Variants in TMEM45B observed in about 807,000 individuals in gnomAD.
TMEM45B encodes the protein transmembrane protein 45B.
TMEM45B carries 29 observed loss-of-function variants against 27.3 expected under a neutral mutation model. The ratio of observed to expected loss-of-function variants is 1.06; its 90% CI spans 0.79 to 1.45. TMEM45B has a LOEUF of 1.45. Ranked by LOEUF, TMEM45B falls within the 40% of genes most tolerant of loss-of-function variation. The pLI is 0.00. For synonymous variants in TMEM45B, 143 were observed against 134.7 expected (o/e 1.06, Z -0.43); for missense variants, 348 against 343.9 (o/e 1.01, Z -0.09).
chr11:129,844,212 G>A (rs1947730569), intron 1 of TMEM45B, among the ~76,000 whole-genome samples: 1 of 152,196 alleles, frequency 6.6e-6, no homozygotes, highest in Non-Finnish European at 1.5e-5. Flanking sequence ...AAAAAATGCT[G>A]TGTGATCTCA....
rs554392180 is a variant in TMEM45B at position 129,859,676 on chromosome 11, C to T, written c.*991C>T. The T allele has an allele frequency of 6.6e-6, 1 of 152,098 alleles. No homozygotes were observed. Among genetic ancestry groups the T allele is most frequent in the South Asian group, 2.1e-4 (1 of 4,808 alleles). 9.4% of individuals were successfully genotyped at this position (152,098 alleles called of 1,614,324 possible). ...TCTACTGAAAATACAAAAAATTAGC[C>T]GGGTGTGGTGGCGGGCGCCTGTAGT... is the stretch of plus-strand genomic sequence containing the variant. On this transcript the variant is annotated 3_prime_UTR_variant, in exon 6 of 6. Coordinates refer to ENST00000281441, the MANE Select transcript of TMEM45B (RefSeq NM_138788.5).
intron 5 of TMEM45B, 84 bp downstream of exon 5, chr11:129,857,542 G>A (rs1386201731): frequency 4.2e-5 from 62 of 1,489,730 alleles, no homozygotes; most frequent in Admixed American, 1.2e-4. Context: ...GATGAGTGCC[G>A]ACTACAGGCC....
intron 1 of TMEM45B, among the ~76,000 whole-genome samples, chr11:129,826,862 C>A (rs918955011): frequency 1.1e-4 from 17 of 151,938 alleles, no homozygotes; most frequent in Non-Finnish European, 2.2e-4. Flanking sequence ...CACCCACCAC[C>A]ATGCCCGGCT....
chr11:129,836,729 C>A (rs1333790980), intron 1 of TMEM45B, among the ~76,000 whole-genome samples: 2 of 152,070 alleles, frequency 1.3e-5, no homozygotes, highest in African/African-American at 4.8e-5. Context: ...GCCTCCAGAA[C>A]TGAGAATATA....
chr11:129,820,010 A>G (rs149228573), intron 1 of TMEM45B, among the ~76,000 whole-genome samples: 401 of 152,238 alleles, frequency 2.6e-3, no homozygotes, highest in Non-Finnish European at 4.5e-3. Context: ...CACGTTGCCA[A>G]TACATCAAAA....
intron 1 of TMEM45B, among the ~76,000 whole-genome samples, chr11:129,844,368 G>A (rs1947732047): frequency 6.6e-6 from 1 of 152,178 alleles, no homozygotes; most frequent in Non-Finnish European, 1.5e-5. Flanking sequence ...GAGACCTAAT[G>A]TACAGGAGGG....
At position 129,822,416 on chromosome 11, in the gene TMEM45B, C is replaced by CT. The variant is rs535592098; in HGVS notation, c.-9+6520dup. Reference sequence around the variant, plus strand: ...TGGTGTGCGTCATCTGTGAGCATGGCTTGTAGGTTGGCTGGCTTCATTGCA... The same window carrying CT: ...TGGTGTGCGTCATCTGTGAGCATGGCTTTGTAGGTTGGCTGGCTTCATTGCA... On this transcript the variant is annotated intron_variant, in intron 1 of 5. Transcript: ENST00000281441. 2.6e-3 allele frequency among the ~76,000 whole-genome samples: 390 copies of CT among 152,226 alleles called. 1 individual carries two copies. Among genetic ancestry groups the CT allele is most frequent in the Non-Finnish European group, 3.8e-3 (261 of 68,026 alleles).
chr11:129,831,710 C>A (rs1395098041), intron 1 of TMEM45B, among the ~76,000 whole-genome samples: 1 of 152,202 alleles, frequency 6.6e-6, no homozygotes, highest in African/African-American at 2.4e-5. Context: ...AAACGTCCAT[C>A]TACTAACAAG....
rs375742175 is a variant in TMEM45B, at chr11:129,854,705, A to G, written c.274A>G (p.Met92Val). 1 of 1,614,100 alleles carries G rather than the reference A, an allele frequency of 6.2e-7. No individual in the cohort carries two copies. The highest frequency in any genetic ancestry group is 1.3e-5 in the African/African-American group (1 of 74,934). The change falls in exon 3 of 6, where the codon ATG becomes GTG. Residue 92 changes from methionine (M) to valine (V), a missense_variant. By Grantham distance (21) the Met-to-Val change is conservative. Transcript: ENST00000281441. ...GTTAATGAATTGGCAGCACAGCACCATGTACCTATTCTTTGCAGTCTCAGG... is the reference window on the plus strand; with the variant it reads ...GTTAATGAATTGGCAGCACAGCACCGTGTACCTATTCTTTGCAGTCTCAGG... ...IKLMNWQHST[M>V]YLFFAVSGIV...
chr11:129,851,912 ATGT>A (rs564839108), intron 1 of TMEM45B, among the ~76,000 whole-genome samples: 1 of 152,200 alleles, frequency 6.6e-6, no homozygotes, highest in African/African-American at 2.4e-5. Context: ...GTGAAAAATG[ATGT>A]TGTGCTTTCG....
At chr11:129,819,442 A>G (rs925340700) in intron 1 of TMEM45B, among the ~76,000 whole-genome samples, 1 of 152,186 alleles carries the variant, frequency 6.6e-6, no homozygotes, top group African/African-American at 2.4e-5. Context: ...CCTCCTTAGC[A>G]TGGAGCTTTC....
In TMEM45B at chr11:129,855,792, GGT is replaced by G. The variant is rs1421280950; in HGVS notation, c.475_476del (p.Val159Ter). ...CTCCTGCTGTATGCTCTGTTCGGAG[GGT>G]GTGTTAGTATCTCCCTAGAGGTGAT... On this transcript the variant is annotated frameshift_variant, in exon 4 of 6. Transcript: ENST00000281441. LOFTEE classifies it high-confidence loss of function. 6.2e-7 allele frequency: 1 copy of G among 1,614,086 alleles called. No individual in the cohort carries two copies. Among genetic ancestry groups the G allele is most frequent in the South Asian group, 1.1e-5 (1 of 91,072 alleles).
At chr11:129,845,271 A>ATGTGTGTGTGTG (rs10537485) in intron 1 of TMEM45B, among the ~76,000 whole-genome samples, 1 of 140,336 alleles carries the variant, frequency 7.1e-6, no homozygotes, top group African/African-American at 2.8e-5. Flanking sequence ...GTGTGTGTGT[A>ATGTGTGTGTGTG]TGTGTGTGTG....
intron 1 of TMEM45B, among the ~76,000 whole-genome samples, chr11:129,831,712 A>G (rs901728531): frequency 6.6e-6 from 1 of 152,222 alleles, no homozygotes; most frequent in Non-Finnish European, 1.5e-5. Flanking sequence ...ACGTCCATCT[A>G]CTAACAAGTG....
At chr11:129,837,505 T>C (rs1947635342) in intron 1 of TMEM45B, among the ~76,000 whole-genome samples, 1 of 151,226 alleles carries the variant, frequency 6.6e-6, no homozygotes, top group African/African-American at 2.4e-5. Flanking sequence ...CAGGCTGGTC[T>C]TGAACTCTTG....
intron 1 of TMEM45B, among the ~76,000 whole-genome samples, chr11:129,821,275 C>T (rs567578652): frequency 5.1e-4 from 77 of 152,230 alleles, no homozygotes; most frequent in African/African-American, 1.8e-3. Context: ...CTGAGTGCTG[C>T]TAATTGCATG....
chr11:129,857,004 C>T (rs1030982716), intron 4 of TMEM45B, among the ~76,000 whole-genome samples: 1 of 151,994 alleles, frequency 6.6e-6, no homozygotes, highest in African/African-American at 2.4e-5. Flanking sequence ...AGGTGCCCAC[C>T]ACCATGCCCA....
At chr11:129,829,805 T>C (rs1445202100) in intron 1 of TMEM45B, among the ~76,000 whole-genome samples, 1 of 152,260 alleles carries the variant, frequency 6.6e-6, no homozygotes. Context: ...TGAATCATAA[T>C]AGTTTAATTA....
intron 1 of TMEM45B, among the ~76,000 whole-genome samples, chr11:129,834,040 G>C (rs2135569235): frequency 6.6e-6 from 1 of 152,352 alleles, no homozygotes; most frequent in Admixed American, 6.5e-5. Context: ...CTGTTGAGCA[G>C]ACGTGGCTTT....
Sources: gnomAD v4.1 joint callset for allele counts (sites outside exome capture counted in the v4.1 genomes callset) on GRCh38, gnomAD v4.1.1 for gene constraint, MANE v1.5 for transcripts, NCBI Gene and HGNC (gene_info 2026-07-23, HGNC 2026-07-21) for gene names.